The following ARHGAP28 variants were observed in gnomAD, a reference collection of about 807,000 sequenced individuals.
ARHGAP28 encodes rho GTPase-activating protein 28.
A neutral mutation model predicts 90.7 loss-of-function variants in ARHGAP28; 56 were observed. The ratio of observed to expected loss-of-function variants is 0.62; its 90% CI spans 0.50 to 0.77. The LOEUF is 0.77. Ranked by LOEUF, ARHGAP28 falls within the 30% of genes least tolerant of loss-of-function variation. The pLI is 0.00. For synonymous variants in ARHGAP28, 308 were observed against 323.3 expected, an observed-to-expected ratio of 0.95 and a Z score of 0.51; for missense variants, 869 against 900.9, an observed-to-expected ratio of 0.96 and a Z score of 0.45.
chr18:6,847,670 A>G (rs775116550), intron 3 of ARHGAP28, among the ~76,000 whole-genome samples: 8 of 151,592 alleles, frequency 5.3e-5, no homozygotes, highest in Admixed American at 3.9e-4. Flanking sequence ...ACAAGTGGTA[A>G]TCTTCAAACA....
intron 1 of ARHGAP28, among the ~76,000 whole-genome samples, chr18:6,731,291 C>CAT (rs1555622035): frequency 4.7e-5 from 7 of 149,476 alleles, no homozygotes; most frequent in East Asian, 3.9e-4. Flanking sequence ...TATATGTGTG[C>CAT]GTGTGTGTGT....
intron 1 of ARHGAP28, chr18:6,774,054 T>G (rs2056264209): frequency 2.0e-5 from 3 of 152,410 alleles, no homozygotes; most frequent in Admixed American, 6.5e-5. Context: ...TCTGGCCCTG[T>G]GCGGCTGGAG....
chr18:6,841,167 C>CTCCTCTCTCT lies in ARHGAP28; in HGVS notation c.543+3753_543+3754insTCCTCTCTCT, dbSNP rs1225722544. Among the ~76,000 whole-genome samples, 42 of 79,988 alleles carry CTCCTCTCTCT rather than the reference C, an allele frequency of 5.3e-4. 1 individual carries two copies. Among genetic ancestry groups the CTCCTCTCTCT allele is most frequent in the African/African-American group, 2.3e-3 (42 of 18,526 alleles). 52.5% of individuals were successfully genotyped at this position (79,988 alleles called of 152,430 possible). A position where few individuals can be genotyped will look rare whatever the true frequency, so the allele number is the denominator to read the frequency against. ...CTGTCTCTCTCCTCTTTCTCTCTCT[C>CTCCTCTCTCT]CTCTCTCTCTCTCCTCTCTCTCTCT... On this transcript the variant is annotated intron_variant, in intron 3 of 17. Coordinates refer to ENST00000383472, the MANE Select transcript of ARHGAP28 (RefSeq NM_001366230.1).
chr18:6,908,957 C>T lies in ARHGAP28; in HGVS notation c.2031-3C>T. ...AATTATATTATTTTCTCATTTTTTT[C>T]AGTCATGGTTCATCAGAATGTATTA... On this transcript the variant is annotated splice_region_variant and splice_polypyrimidine_tract_variant and intron_variant, in intron 16 of 17. Coordinates refer to ENST00000383472, the MANE Select transcript of ARHGAP28 (RefSeq NM_001366230.1). 1 of 1,508,286 alleles carries T rather than the reference C, an allele frequency of 6.6e-7. No individual in the cohort carries two copies. Among genetic ancestry groups the T allele is most frequent in the Non-Finnish European group, 9.1e-7 (1 of 1,094,312 alleles). 93.4% of individuals were successfully genotyped at this position (1,508,286 alleles called of 1,614,324 possible).
At chr18:6,894,593 C>T (rs371023893) in intron 14 of ARHGAP28, among the ~76,000 whole-genome samples, 24 of 152,188 alleles carry the variant, frequency 1.6e-4, no homozygotes, top group African/African-American at 5.5e-4. Flanking sequence ...TGTGTCTGAT[C>T]TTTTGCTGTT....
chr18:6,764,444 G>T (rs74493868), intron 1 of ARHGAP28, among the ~76,000 whole-genome samples: 18,932 of 152,226 alleles, frequency 0.12, 1,339 homozygotes, highest in Non-Finnish European at 0.15. Flanking sequence ...GAAGAGCAGG[G>T]ACCACCCTAT....
intron 1 of ARHGAP28, among the ~76,000 whole-genome samples, chr18:6,807,936 CT>C (rs1288340970): frequency 2.6e-5 from 4 of 152,228 alleles, no homozygotes; most frequent in Non-Finnish European, 5.9e-5. Flanking sequence ...TAAACTGGGG[CT>C]ATTGTAGGGC....
chr18:6,871,837 C>T (rs78064341), intron 7 of ARHGAP28, among the ~76,000 whole-genome samples: 2 of 152,214 alleles, frequency 1.3e-5, no homozygotes, highest in South Asian at 2.1e-4. Flanking sequence ...CTAGGACTCA[C>T]GGAGTGCCTT....
At chr18:6,826,289 A>G (rs2056662528) in intron 2 of ARHGAP28, among the ~76,000 whole-genome samples, 1 of 151,936 alleles carries the variant, frequency 6.6e-6, no homozygotes, top group South Asian at 2.1e-4. Context: ...TGAAAAGCAT[A>G]TGTTCATATC....
chr18:6,747,927 G>A (rs1465573716), intron 1 of ARHGAP28, among the ~76,000 whole-genome samples: 1 of 152,206 alleles, frequency 6.6e-6, no homozygotes, highest in Non-Finnish European at 1.5e-5. Flanking sequence ...GGCACATGGG[G>A]TAAGCAGAGG....
chr18:6,851,590 C>T (rs1040026913), intron 4 of ARHGAP28, among the ~76,000 whole-genome samples: 14 of 152,202 alleles, frequency 9.2e-5, no homozygotes, highest in Non-Finnish European at 1.9e-4. Flanking sequence ...CACACAGACA[C>T]TTATCCACAA....
chr18:6,784,809 A>AG (rs2056353609), intron 1 of ARHGAP28, among the ~76,000 whole-genome samples: 1 of 152,230 alleles, frequency 6.6e-6, no homozygotes, highest in African/African-American at 2.4e-5. Context: ...TTCTAATTTT[A>AG]GTCACGTGAA....
intron 5 of ARHGAP28, among the ~76,000 whole-genome samples, chr18:6,865,262 A>G (rs913352248): frequency 2.6e-5 from 4 of 152,188 alleles, no homozygotes; most frequent in African/African-American, 9.7e-5. Context: ...TTAGGTATTT[A>G]GGTTATAATT....
At chr18:6,855,974 C>T (rs903865902) in intron 4 of ARHGAP28, among the ~76,000 whole-genome samples, 1 of 152,226 alleles carries the variant, frequency 6.6e-6, no homozygotes, top group African/African-American at 2.4e-5. Context: ...CTAGCTTGCC[C>T]TTGGCAGGCG....
At chr18:6,884,426 G>C (rs977532627) in intron 11 of ARHGAP28, among the ~76,000 whole-genome samples, 2 of 152,134 alleles carry the variant, frequency 1.3e-5, no homozygotes, top group African/African-American at 4.8e-5. Flanking sequence ...GTTATCTCAG[G>C]GTTGGTCTCT....
intron 3 of ARHGAP28, among the ~76,000 whole-genome samples, chr18:6,837,929 T>C (rs1313464312): frequency 1.3e-5 from 2 of 152,130 alleles, no homozygotes; most frequent in South Asian, 4.1e-4. Context: ...AAGGGAAACA[T>C]CCCATGTTTT....
intron 1 of ARHGAP28, among the ~76,000 whole-genome samples, chr18:6,822,039 G>A (rs1444173713): frequency 2.0e-5 from 3 of 151,250 alleles, no homozygotes; most frequent in Non-Finnish European, 4.4e-5. Context: ...TGGTATTACC[G>A]TATTGGCTTG....
chr18:6,733,148 C>G (rs193132720), intron 1 of ARHGAP28, among the ~76,000 whole-genome samples: 87 of 152,170 alleles, frequency 5.7e-4, no homozygotes, highest in Non-Finnish European at 1.0e-3. Context: ...AATGCACTGG[C>G]CTTTAGAGGG....
At chr18:6,893,524 G>A (rs540473602) in intron 14 of ARHGAP28, among the ~76,000 whole-genome samples, 5 of 152,170 alleles carry the variant, frequency 3.3e-5, no homozygotes, top group Non-Finnish European at 5.9e-5. Context: ...AACCATAACA[G>A]TATAATTAAA....
Sources: allele counts gnomAD v4.1 joint callset (sites outside exome capture counted in the v4.1 genomes callset), GRCh38; gene constraint gnomAD v4.1.1; transcripts MANE v1.5; gene names NCBI Gene and HGNC (gene_info 2026-07-23, HGNC 2026-07-21).